The following LYST variants were observed in gnomAD, a reference collection of about 807,000 sequenced individuals.
LYST encodes the protein lysosomal trafficking regulator.
In LYST, 192 loss-of-function variants were observed where a neutral mutation model predicts 413.6. The ratio of observed to expected loss-of-function variants is 0.46; its 90% CI spans 0.41 to 0.52. LYST has a LOEUF of 0.52. Among genes scored for constraint, LYST ranks in the 20% least tolerant of loss-of-function variants. The probability of loss-of-function intolerance (pLI) is 0.00; values close to 1 mark genes in which losing one functional copy is unlikely to be tolerated. For missense variants in LYST, 3,815 were observed against 4,499.9 expected (o/e 0.85, Z 4.35); for synonymous variants, 1,525 against 1,567.3 (o/e 0.97, Z 0.64).
At chr1:235,851,244 G>T (rs891053420) in intron 1 of LYST, among the ~76,000 whole-genome samples, 3 of 152,078 alleles carry the variant, frequency 2.0e-5, no homozygotes, top group Non-Finnish European at 4.4e-5. Context: ...TGAATTAACA[G>T]CATCTGCAGT....
chr1:235,743,203 C>A (rs959468866), intron 30 of LYST, among the ~76,000 whole-genome samples: 16 of 152,122 alleles, frequency 1.1e-4, no homozygotes, highest in Admixed American at 6.6e-5. Context: ...TAAGCCTAGC[C>A]AAATGCTGAT....
At chr1:235,851,971 G>A (rs938449896) in intron 1 of LYST, among the ~76,000 whole-genome samples, 1 of 152,148 alleles carries the variant, frequency 6.6e-6, no homozygotes, top group South Asian at 2.1e-4. Context: ...ACCATACTTC[G>A]TGGTATGTTC....
In LYST at chr1:235,715,196, C is replaced by A. The variant is rs750916490; in HGVS notation, c.9784+5G>T. ...TGACTTTTTAGGCAGTTATTAAATT[C>A]TTACCTTGATAGGCTAAAAACATTT... On this transcript the variant is annotated splice_donor_5th_base_variant and intron_variant, in intron 42 of 52. Transcript: ENST00000389793. The A allele has an allele frequency of 6.2e-6, 10 of 1,613,432 alleles. No individual in the cohort carries two copies. The highest frequency in any genetic ancestry group is 8.5e-6 in the Non-Finnish European group (10 of 1,179,554).
chr1:235,805,474 A>C (rs1181885155), intron 6 of LYST, among the ~76,000 whole-genome samples: 1 of 152,096 alleles, frequency 6.6e-6, no homozygotes, highest in Non-Finnish European at 1.5e-5. Context: ...ACAGTATCAC[A>C]CAAAAATTTA....
intron 18 of LYST, 109 bp from the exon 19 acceptor site, chr1:235,774,100 C>T: frequency 1.3e-6 from 1 of 775,384 alleles, no homozygotes; most frequent in Non-Finnish European, 2.2e-6. Flanking sequence ...CAAAGGAAAG[C>T]TAGTAAATAA....
At chr1:235,720,541 G>C in intron 40 of LYST, 120 bp downstream of exon 40, 8 of 957,118 alleles carry the variant, frequency 8.4e-6, no homozygotes. Flanking sequence ...ATAGGTATGT[G>C]GGGTCTTATA....
At chr1:235,769,121 T>C (rs1668414453) in intron 20 of LYST, among the ~76,000 whole-genome samples, 1 of 151,962 alleles carries the variant, frequency 6.6e-6, no homozygotes, top group South Asian at 2.1e-4. Flanking sequence ...ACATAGTGTA[T>C]AAAGGGAAAA....
At chr1:235,873,296 C>G (rs1681015809) in intron 1 of LYST, among the ~76,000 whole-genome samples, 1 of 152,182 alleles carries the variant, frequency 6.6e-6, no homozygotes, top group Admixed American at 6.5e-5. Context: ...TAGTGTTCTA[C>G]TTTCATATAT....
intron 1 of LYST, among the ~76,000 whole-genome samples, chr1:235,860,816 C>CT (rs781310299): frequency 2.0e-5 from 3 of 152,046 alleles, no homozygotes; most frequent in African/African-American, 4.8e-5. Flanking sequence ...CTGAAGTTTC[C>CT]TAGTATGCCA....
intron 46 of LYST, among the ~76,000 whole-genome samples, chr1:235,695,148 G>A (rs1201799471): frequency 6.6e-6 from 1 of 152,204 alleles, no homozygotes. Context: ...AGGCCAATAA[G>A]CATTTATTAA....
In LYST at chr1:235,733,534, G is replaced by T. The variant is rs1558165314; in HGVS notation, c.8770C>A (p.Gln2924Lys). 1 of 1,613,892 alleles carries T rather than the reference G, an allele frequency of 6.2e-7. No individual in the cohort carries two copies. The highest frequency in any genetic ancestry group is 8.5e-7 in the Non-Finnish European group (1 of 1,179,882). Residue 2924 changes from glutamine (Q) to lysine (K), a missense_variant, in exon 34 of 53, where the codon CAG becomes AAG. Gln to Lys is a moderately conservative substitution (Grantham distance 53). Transcript: ENST00000389793. ...TGTGTCAGCTGCTGAATAAGTTCCT[G>T]CCAATGTCTGCTGGCACTCAAATCT... ...KVDLSASRHW[Q>K]ELIQQLTHDR... is the part of the protein sequence containing the mutation.
chr1:235,694,872 TA>T (rs1660960099), intron 46 of LYST, among the ~76,000 whole-genome samples: 1 of 152,164 alleles, frequency 6.6e-6, no homozygotes, highest in African/African-American at 2.4e-5. Context: ...ACTTCTCCTT[TA>T]ACTATTAGGA....
chr1:235,820,827 C>T (rs917948401), intron 3 of LYST, among the ~76,000 whole-genome samples: 1 of 151,976 alleles, frequency 6.6e-6, no homozygotes, highest in Non-Finnish European at 1.5e-5. Flanking sequence ...TGTGTATATA[C>T]ACATATATGA....
At chr1:235,691,170 G>A (rs574869092) in intron 47 of LYST, among the ~76,000 whole-genome samples, 5 of 152,114 alleles carry the variant, frequency 3.3e-5, no homozygotes, top group African/African-American at 9.6e-5. Flanking sequence ...CGCCCGCCTC[G>A]GCCTCCCAAA....
chr1:235,791,592 A>C (rs1670998530), intron 12 of LYST, 107 bp downstream of exon 12: 2 of 916,624 alleles, frequency 2.2e-6, no homozygotes, highest in African/African-American at 3.2e-5. Context: ...TTTAAGGTGA[A>C]GAACATGTTA....
intron 31 of LYST, chr1:235,738,226 A>C (rs1372438085): frequency 1.2e-6 from 2 of 1,610,598 alleles, no homozygotes; most frequent in Non-Finnish European, 8.5e-7. Context: ...AGAACACCAA[A>C]GATTGTCTCT....
chr1:235,671,283 A>C (rs1658922851), intron 50 of LYST, among the ~76,000 whole-genome samples: 1 of 152,220 alleles, frequency 6.6e-6, no homozygotes. Context: ...GGAGAAGACA[A>C]ATAATAACAA....
chr1:235,818,979 T>C (rs565106964), intron 3 of LYST, among the ~76,000 whole-genome samples: 4 of 152,312 alleles, frequency 2.6e-5, no homozygotes, highest in African/African-American at 7.2e-5. Context: ...GAACCCAAGA[T>C]TGCTGTTCTC....
intron 3 of LYST, chr1:235,827,753 G>C (rs79625289): frequency 1.0e-6 from 1 of 954,442 alleles, no homozygotes; most frequent in African/African-American, 1.8e-5. Context: ...TACCACCACA[G>C]GAAAAAAATA....
Sources: allele counts gnomAD v4.1 joint callset (sites outside exome capture counted in the v4.1 genomes callset), GRCh38; gene constraint gnomAD v4.1.1; transcripts MANE v1.5; gene names NCBI Gene and HGNC (gene_info 2026-07-23, HGNC 2026-07-21).